PXDC1: variants seen among roughly 807,000 people sequenced by gnomAD.
PXDC1 encodes the protein PX domain-containing protein 1.
Under a neutral mutation model 24.4 loss-of-function variants are expected in PXDC1, and 13 were observed. That is an observed-to-expected ratio of 0.53 (90% CI 0.35 to 0.85). The LOEUF is 0.85. PXDC1 is among the 40% of genes least tolerant of loss of function. The probability of loss-of-function intolerance (pLI) is 0.01; values close to 1 mark genes in which losing one functional copy is unlikely to be tolerated. For missense variants in PXDC1, 344 were observed against 309.3 expected (o/e 1.11, Z -0.84); for synonymous variants, 162 against 124.9 (o/e 1.30, Z -1.98).
At chr6:3,736,260 A>G (rs75374710) in intron 3 of PXDC1, among the ~76,000 whole-genome samples, 13,287 of 152,012 alleles carry the variant, frequency 0.087, 760 homozygotes, top group African/African-American at 0.15. Flanking sequence ...TTCCTCCTCC[A>G]TTCAGAAACG....
At chr6:3,743,051 G>A (rs1286713397) in intron 1 of PXDC1, among the ~76,000 whole-genome samples, 2 of 152,216 alleles carry the variant, frequency 1.3e-5, no homozygotes, top group Non-Finnish European at 2.9e-5. Flanking sequence ...CACCGCTTCC[G>A]GATCTCAGAA....
At chr6:3,739,434 G>A (rs958909088) in intron 1 of PXDC1, among the ~76,000 whole-genome samples, 21 of 152,354 alleles carry the variant, frequency 1.4e-4, no homozygotes, top group Middle Eastern at 3.4e-3. Context: ...CTTAGCAGTG[G>A]GGCTATCTGA....
chr6:3,733,379 T>C (rs1236250090), intron 3 of PXDC1, among the ~76,000 whole-genome samples: 1 of 152,172 alleles, frequency 6.6e-6, no homozygotes, highest in East Asian at 1.9e-4. Flanking sequence ...GGGCTATTTA[T>C]TGTCAATAGT....
chr6:3,728,818 G>T lies in PXDC1; in HGVS notation c.467-1156C>A, dbSNP rs1346417085. On this transcript the variant is annotated intron_variant, in intron 3 of 4. Transcript: ENST00000380283. This position sits in a 1 kb window ranked among gnomAD's most constrained non-coding sequence, Gnocchi z 4.0. ...GACCGCGTTTCCGTCCCCTCGCTCA[G>T]CAGATGAGATCTGGTAGCCATGGCC... is the stretch of plus-strand genomic sequence containing the variant. 3.3e-5 allele frequency among the ~76,000 whole-genome samples: 5 copies of T among 152,136 alleles called. No homozygotes were observed. Among genetic ancestry groups the T allele is most frequent in the Non-Finnish European group, 5.9e-5 (4 of 68,028 alleles).
intron 1 of PXDC1, chr6:3,739,099 T>C: frequency 1.7e-6 from 2 of 1,178,570 alleles, no homozygotes; most frequent in Non-Finnish European, 2.1e-6. Context: ...TCAGAAGTTC[T>C]GGTCTGATTT....
chr6:3,749,895 G>C (rs1266584000), intron 1 of PXDC1, among the ~76,000 whole-genome samples: 2 of 152,164 alleles, frequency 1.3e-5, no homozygotes, highest in Non-Finnish European at 2.9e-5. Flanking sequence ...TGAATAAACC[G>C]CTGTTCCTTC....
At chr6:3,731,887 A>T (rs1760205962) in intron 3 of PXDC1, among the ~76,000 whole-genome samples, 1 of 152,206 alleles carries the variant, frequency 6.6e-6, no homozygotes, top group Non-Finnish European at 1.5e-5. Context: ...CTGGAGTGGC[A>T]TATGGGGGTG....
rs577931638 is a variant in PXDC1 at position 3,745,473 on chromosome 6, G to A, written c.256+5803C>T. Among the ~76,000 whole-genome samples the A allele has an allele frequency of 6.9e-4, 105 of 152,358 alleles. 2 individuals carry two copies. In the South Asian group the frequency reaches 0.021, roughly 31 times the overall value. ...CTGCTATAGCATCAACAGTGCACCC[G>A]AGGCTTGAGGAACTTGCCTGGAATG... On this transcript the variant is annotated intron_variant, in intron 1 of 4. Coordinates refer to ENST00000380283, the MANE Select transcript of PXDC1 (RefSeq NM_183373.4).
chr6:3,723,573 G>C lies in PXDC1; in HGVS notation c.*46C>G, dbSNP rs780438610. On this transcript the variant is annotated 3_prime_UTR_variant, in exon 5 of 5. Coordinates refer to ENST00000380283, the MANE Select transcript of PXDC1 (RefSeq NM_183373.4). ...GGGGCCAGCACAGTGGACAGCATCA[G>C]AGCTGGCAGTGAACAGCTGAGGCGG... The C allele has an allele frequency of 1.2e-5, 17 of 1,407,960 alleles. No homozygotes were observed. The highest frequency in any genetic ancestry group is 1.5e-5 in the Non-Finnish European group (15 of 993,726). The allele number at this position is 1,407,960 out of a possible 1,614,324, so 87.2% of individuals were successfully genotyped here. A position where few individuals can be genotyped will look rare whatever the true frequency, so the allele number is the denominator to read the frequency against.
chr6:3,744,078 T>G (rs1418639118), intron 1 of PXDC1, among the ~76,000 whole-genome samples: 1 of 152,222 alleles, frequency 6.6e-6, no homozygotes, highest in East Asian at 1.9e-4. Context: ...CTTACTGAGC[T>G]CTGCTCTGCT....
intron 1 of PXDC1, among the ~76,000 whole-genome samples, chr6:3,745,245 C>T (rs1760540034): frequency 6.6e-6 from 1 of 152,232 alleles, no homozygotes; most frequent in Admixed American, 6.5e-5. Flanking sequence ...TGGGCCAGTC[C>T]TGCCAAGCGG....
At chr6:3,750,993 T>G (rs1327665943) in intron 1 of PXDC1, 1 of 403,054 alleles carries the variant, frequency 2.5e-6, no homozygotes, top group South Asian at 4.3e-5. Context: ...AAGTGACTCG[T>G]CCTCAGGGAG....
chr6:3,725,703 C>T lies in PXDC1; in HGVS notation c.578+1848G>A, dbSNP rs1205729471. 2.0e-5 allele frequency among the ~76,000 whole-genome samples: 3 copies of T among 152,200 alleles called. No individual in the cohort carries two copies. Among genetic ancestry groups the T allele is most frequent in the Non-Finnish European group, 4.4e-5 (3 of 68,022 alleles). On this transcript the variant is annotated intron_variant, in intron 4 of 4. Coordinates refer to ENST00000380283, the MANE Select transcript of PXDC1 (RefSeq NM_183373.4). This position sits in a 1 kb window ranked among gnomAD's most constrained non-coding sequence, Gnocchi z 4.8. ...TGTGCTCTTGGTCGCTGTCAACCCC[C>T]CACCCGACAGCCGGTGCCGTGTAGA...
chr6:3,722,631 T>C lies in PXDC1; in HGVS notation c.*988A>G, dbSNP rs536533992. ...GGACAGATCAAAGTAGAGTCATAGA[T>C]TTTATTTAATTAAAATAGATTAAAA... is the stretch of plus-strand genomic sequence containing the variant. On this transcript the variant is annotated 3_prime_UTR_variant, in exon 5 of 5. Transcript: ENST00000380283. 5 of 152,740 alleles carry C rather than the reference T, an allele frequency of 3.3e-5. 1 individual carries two copies. The highest frequency in any genetic ancestry group is 3.3e-4 in the Admixed American group (5 of 15,304). 9.5% of individuals were successfully genotyped at this position (152,740 alleles called of 1,614,324 possible).
chr6:3,742,979 A>C (rs1449142499), intron 1 of PXDC1, among the ~76,000 whole-genome samples: 1 of 152,220 alleles, frequency 6.6e-6, no homozygotes, highest in African/African-American at 2.4e-5. Flanking sequence ...TGTTCTTGGA[A>C]TCAGAACTGA....
In PXDC1 at chr6:3,727,669, A is replaced by G. The variant is rs1760097911; in HGVS notation, c.467-7T>C. 1 of 1,598,062 alleles carries G rather than the reference A, an allele frequency of 6.3e-7. No homozygotes were observed. The highest frequency in any genetic ancestry group is 1.3e-5 in the African/African-American group (1 of 74,574). ...CCATTGGACCTCATGATTTCTGAAA[A>G]CCAAAGCAACAAGGTGAGTCCTCAG... On this transcript the variant is annotated splice_polypyrimidine_tract_variant and splice_region_variant and intron_variant, in intron 3 of 4. Coordinates refer to ENST00000380283, the MANE Select transcript of PXDC1 (RefSeq NM_183373.4).
rs1171587328 is a variant in PXDC1 at position 3,737,150 on chromosome 6, AGAG to A, written c.392_394del (p.Pro131del). 3.1e-6 allele frequency: 5 copies of A among 1,613,682 alleles called. No homozygotes were observed. The highest frequency in any genetic ancestry group is 4.2e-6 in the Non-Finnish European group (5 of 1,179,666). ...ATTATCATTTTTTAACACCTGATCCAGAGGAGATCTTTCGAAGAAGGTGAGCAC... is the reference window on the plus strand; with the variant it reads ...ATTATCATTTTTTAACACCTGATCCAGAGATCTTTCGAAGAAGGTGAGCAC... On this transcript the variant is annotated inframe_deletion, in exon 3 of 5. Transcript: ENST00000380283. This position sits in a 1 kb window ranked among gnomAD's most constrained non-coding sequence, Gnocchi z 5.5.
intron 3 of PXDC1, among the ~76,000 whole-genome samples, chr6:3,734,248 T>A (rs966776281): frequency 3.9e-5 from 6 of 152,190 alleles, no homozygotes; most frequent in Admixed American, 2.6e-4. Context: ...CAGGGCAGGC[T>A]GAAGCATGTG....
In PXDC1 at chr6:3,748,937, G is replaced by A. The variant is rs1487929963; in HGVS notation, c.256+2339C>T. Among the ~76,000 whole-genome samples, 3 of 152,202 alleles carry A rather than the reference G, an allele frequency of 2.0e-5. No individual in the cohort carries two copies. The East Asian group carries it at 5.8e-4, about 29-fold the overall frequency. On this transcript the variant is annotated intron_variant, in intron 1 of 4. Transcript: ENST00000380283. ...TTTGTGTTTATAGTTTGTATATCCA[G>A]ATAATCTTTTTATGCAAACAATAAA...
Sources: gnomAD v4.1 joint callset for allele counts (sites outside exome capture counted in the v4.1 genomes callset) on GRCh38, gnomAD v4.1.1 for gene constraint, Gnocchi (gnomAD v3.1) non-coding constraint, MANE v1.5 for transcripts, NCBI Gene and HGNC (gene_info 2026-07-23, HGNC 2026-07-21) for gene names.